The following ELMO1 variants were observed in gnomAD, a reference collection of about 807,000 sequenced individuals.
The protein encoded by ELMO1 is engulfment and cell motility protein 1.
In ELMO1, 26 loss-of-function variants were observed where a neutral mutation model predicts 98.9. The observed-to-expected ratio is 0.26, with a 90% CI of 0.19 to 0.36. The LOEUF (loss-of-function observed/expected upper bound fraction) is 0.36. Ranked by LOEUF, ELMO1 falls within the 10% of genes least tolerant of loss-of-function variation. The pLI is 1.00. For missense variants in ELMO1, 627 were observed against 935.2 expected (o/e 0.67, Z 4.30); for synonymous variants, 346 against 346.0 (o/e 1.00, Z 0.00).
chr7:37,297,987 T>G (rs1284827651), intron 4 of ELMO1, among the ~76,000 whole-genome samples: 2 of 152,198 alleles, frequency 1.3e-5, no homozygotes, highest in African/African-American at 4.8e-5. Flanking sequence ...CTCTAAGTAA[T>G]AGGATTTTGA....
intron 16 of ELMO1, among the ~76,000 whole-genome samples, chr7:36,976,334 A>G (rs1480988457): frequency 1.3e-5 from 2 of 152,252 alleles, no homozygotes; most frequent in East Asian, 1.9e-4. Context: ...TTATCATCCT[A>G]TCATACTTCT....
At chr7:37,216,301 T>C (rs917418385) in intron 11 of ELMO1, among the ~76,000 whole-genome samples, 3 of 152,114 alleles carry the variant, frequency 2.0e-5, no homozygotes, top group African/African-American at 4.8e-5. Flanking sequence ...AGCTTCCTCA[T>C]TGAAAGAGCA....
chr7:36,909,315 T>G (rs1341474164), intron 16 of ELMO1, among the ~76,000 whole-genome samples: 1 of 152,122 alleles, frequency 6.6e-6, no homozygotes, highest in Non-Finnish European at 1.5e-5. Flanking sequence ...CTGTTATTAT[T>G]GTGATAAAGG....
chr7:37,314,971 T>C (rs746449812), intron 3 of ELMO1, 49 bp from the exon 4 acceptor site: 1 of 1,557,868 alleles, frequency 6.4e-7, no homozygotes. Flanking sequence ...GTGGCCATTT[T>C]CATTTTTACA....
chr7:37,142,920 A>C (rs1008743639), intron 13 of ELMO1, among the ~76,000 whole-genome samples: 2 of 152,222 alleles, frequency 1.3e-5, no homozygotes, highest in Non-Finnish European at 2.9e-5. Flanking sequence ...AAGAGTTATC[A>C]ATCTTCTTTG....
chr7:37,169,762 C>A (rs1258296847), intron 13 of ELMO1, among the ~76,000 whole-genome samples: 1 of 152,172 alleles, frequency 6.6e-6, no homozygotes, highest in Admixed American at 6.5e-5. Flanking sequence ...AATCATCACA[C>A]TTAGGAACCA....
intron 1 of ELMO1, among the ~76,000 whole-genome samples, chr7:37,346,807 C>T (rs1364925945): frequency 6.6e-6 from 1 of 152,070 alleles, no homozygotes; most frequent in Admixed American, 6.5e-5. Flanking sequence ...AGAATTACAG[C>T]AAAAAAGGTC....
chr7:37,072,715 A>T (rs559932469), intron 15 of ELMO1, among the ~76,000 whole-genome samples: 1 of 152,328 alleles, frequency 6.6e-6, no homozygotes, highest in East Asian at 1.9e-4. Flanking sequence ...ACCATTAACT[A>T]GGAGGAGCCT....
Position 37,357,117 on chromosome 7 carries a change from T to C in ELMO1, c.-73-14354A>G, listed in dbSNP as rs143561472. ...CCCTTTGTCCAATCATAGTTCTATA[T>C]GGCTGTCCATTCTTTATCAAGCCTA... On this transcript the variant is annotated intron_variant, in intron 1 of 21. Coordinates refer to ENST00000310758, the MANE Select transcript of ELMO1 (RefSeq NM_014800.11). 2.7e-3 allele frequency among the ~76,000 whole-genome samples: 417 copies of C among 152,346 alleles called. 2 individuals are homozygous for C. The highest frequency in any genetic ancestry group is 9.1e-3 in the African/African-American group (379 of 41,588).
At chr7:37,213,163 C>A (rs1426168223) in intron 12 of ELMO1, among the ~76,000 whole-genome samples, 172 bp downstream of exon 12, 1 of 152,186 alleles carries the variant, frequency 6.6e-6, no homozygotes, top group Non-Finnish European at 1.5e-5. Context: ...GGTATATTTT[C>A]TGATCCTAGA....
At chr7:37,005,176 C>G (rs1792983026) in intron 16 of ELMO1, among the ~76,000 whole-genome samples, 1 of 149,736 alleles carries the variant, frequency 6.7e-6, no homozygotes, top group Non-Finnish European at 1.5e-5. Context: ...AAATCCAACT[C>G]TTTCTGGATG....
At chr7:36,959,993 G>C (rs1176911760) in intron 16 of ELMO1, among the ~76,000 whole-genome samples, 3 of 152,192 alleles carry the variant, frequency 2.0e-5, no homozygotes, top group Admixed American at 6.5e-5. Context: ...AAAGACCAGA[G>C]TTGACATTCA....
chr7:37,268,959 T>C (rs1796412732), intron 5 of ELMO1, among the ~76,000 whole-genome samples: 2 of 152,254 alleles, frequency 1.3e-5, no homozygotes, highest in African/African-American at 2.4e-5. Context: ...GGCGTGTGTG[T>C]GCCCATGTGG....
intron 1 of ELMO1, among the ~76,000 whole-genome samples, chr7:37,397,125 T>A (rs956177979): frequency 1.3e-5 from 2 of 152,252 alleles, no homozygotes; most frequent in African/African-American, 2.4e-5. Flanking sequence ...CAGGTTAGAA[T>A]GTCTGCAAAA....
Position 37,148,420 on chromosome 7 carries a change from T to C in ELMO1, c.1087-15186A>G, listed in dbSNP as rs370211648. 3.3e-5 allele frequency among the ~76,000 whole-genome samples: 5 copies of C among 152,326 alleles called. No individual in the cohort carries two copies. In the South Asian group the frequency reaches 1.0e-3, roughly 32 times the overall value. ...TTAAATTTACTCTTAGAAAAGGCCG[T>C]GTACTGCCAGGTATGTAATTCATGA... On this transcript the variant is annotated intron_variant, in intron 13 of 21. Transcript: ENST00000310758.
In ELMO1 at chr7:37,143,510, G is replaced by T. The variant is rs755362338; in HGVS notation, c.1087-10276C>A. On this transcript the variant is annotated intron_variant, in intron 13 of 21. Coordinates refer to ENST00000310758, the MANE Select transcript of ELMO1 (RefSeq NM_014800.11). ...CAACCTCCGCCTCCCAGGTTCAAGC[G>T]ATTCTCTTGCCTCAGCCTCCTGAGT... Among the ~76,000 whole-genome samples, 77 of 149,744 alleles carry T rather than the reference G, an allele frequency of 5.1e-4. 1 individual carries two copies. The highest frequency in any genetic ancestry group is 9.9e-4 in the Non-Finnish European group (67 of 67,516).
At chr7:36,986,292 T>C (rs1791501940) in intron 16 of ELMO1, 8 of 981,996 alleles carry the variant, frequency 8.1e-6, no homozygotes, top group Non-Finnish European at 9.7e-6. Flanking sequence ...CATCGGCTTT[T>C]CCAGGAAGAG....
At chr7:37,208,332 G>C (rs578021956) in intron 13 of ELMO1, among the ~76,000 whole-genome samples, 1 of 152,322 alleles carries the variant, frequency 6.6e-6, no homozygotes, top group East Asian at 1.9e-4. Context: ...GGCTCAAAAG[G>C]AGGAAAGCTA....
intron 5 of ELMO1, among the ~76,000 whole-genome samples, chr7:37,266,161 G>T (rs1021903552): frequency 6.6e-6 from 1 of 152,078 alleles, no homozygotes; most frequent in Non-Finnish European, 1.5e-5. Context: ...AAGCTAGGCC[G>T]CTGAGAGTGA....
Sources: gnomAD v4.1 joint callset for allele counts (sites outside exome capture counted in the v4.1 genomes callset) on GRCh38, gnomAD v4.1.1 for gene constraint, MANE v1.5 for transcripts, NCBI Gene and HGNC (gene_info 2026-07-23, HGNC 2026-07-21) for gene names.